TTC1: variants seen among roughly 807,000 people sequenced by gnomAD.
TTC1 encodes the protein tetratricopeptide repeat protein 1.
In TTC1, 31 loss-of-function variants were observed where a neutral mutation model predicts 37.6. The observed-to-expected ratio is 0.82, with a 90% confidence interval of 0.62 to 1.11. The LOEUF is 1.11. Ranked by LOEUF, TTC1 falls within the 50% of genes most tolerant of loss-of-function variation. The probability of loss-of-function intolerance (pLI) is 0.00; values close to 1 mark genes in which losing one functional copy is unlikely to be tolerated. For synonymous variants in TTC1, 127 were observed against 122.4 expected, an observed-to-expected ratio of 1.04 and a Z score of -0.25; for missense variants, 351 against 339.0, an observed-to-expected ratio of 1.04 and a Z score of -0.28.
At chr5:160,034,872 A>T (rs1415292636) in intron 2 of TTC1, among the ~76,000 whole-genome samples, 2 of 152,210 alleles carry the variant, frequency 1.3e-5, no homozygotes, top group Non-Finnish European at 2.9e-5. Flanking sequence ...TTATCATTCC[A>T]TTGCAAAAGA....
intron 7 of TTC1, among the ~76,000 whole-genome samples, chr5:160,058,052 C>G (rs1941416343): frequency 6.6e-6 from 1 of 152,226 alleles, no homozygotes; most frequent in Non-Finnish European, 1.5e-5. Context: ...TAGGCGTGAG[C>G]CACTGTGCCC....
intron 2 of TTC1, among the ~76,000 whole-genome samples, chr5:160,026,395 T>C (rs1159197739): frequency 2.6e-5 from 4 of 152,230 alleles, no homozygotes; most frequent in African/African-American, 4.8e-5. Context: ...ATTTCTGATA[T>C]TGGGGTATTG....
chr5:160,031,546 A>G (rs192139769), intron 2 of TTC1, among the ~76,000 whole-genome samples: 2 of 152,244 alleles, frequency 1.3e-5, no homozygotes, highest in Admixed American at 1.3e-4. Context: ...TCTGGGAGGC[A>G]GAGGTTGCAG....
At chr5:160,018,831 G>A (rs1756651859) in intron 2 of TTC1, among the ~76,000 whole-genome samples, 1 of 152,216 alleles carries the variant, frequency 6.6e-6, no homozygotes, top group South Asian at 2.1e-4. Flanking sequence ...CAGTGAAGAT[G>A]ATAGTAGCTT....
At chr5:160,042,025 T>C (rs958793139) in intron 4 of TTC1, among the ~76,000 whole-genome samples, 1 of 151,956 alleles carries the variant, frequency 6.6e-6, no homozygotes, top group African/African-American at 2.4e-5. Context: ...CACCTCCTGG[T>C]TTCAAGCAAT....
intron 7 of TTC1, among the ~76,000 whole-genome samples, chr5:160,053,550 T>TGA (rs1326184283): frequency 2.0e-5 from 3 of 152,064 alleles, no homozygotes; most frequent in Non-Finnish European, 2.9e-5. Context: ...GGTGACAGAG[T>TGA]GAGACCTTGT....
intron 7 of TTC1, chr5:160,061,720 A>G (rs1423581406): frequency 6.6e-6 from 1 of 152,162 alleles, no homozygotes; most frequent in Non-Finnish European, 1.5e-5. Flanking sequence ...TTATAAAGGC[A>G]GAGATACTGG....
chr5:160,019,815 C>T (rs1420793445), intron 2 of TTC1, among the ~76,000 whole-genome samples: 1 of 151,720 alleles, frequency 6.6e-6, no homozygotes, highest in Non-Finnish European at 1.5e-5. Flanking sequence ...GAACTCACAT[C>T]ATGATCCACC....
At chr5:160,033,528 C>T (rs1167532032) in intron 2 of TTC1, among the ~76,000 whole-genome samples, 1 of 152,214 alleles carries the variant, frequency 6.6e-6, no homozygotes, top group Non-Finnish European at 1.5e-5. Context: ...TCCATTTTCA[C>T]ACTGCTATTA....
chr5:160,012,617 CTTTGGCCTCCCAA>C (rs1445802522), intron 2 of TTC1, among the ~76,000 whole-genome samples: 3 of 152,182 alleles, frequency 2.0e-5, no homozygotes, highest in African/African-American at 7.2e-5. Flanking sequence ...AGTCCTCCCA[CTTTGGCCTCCCAA>C]AGTGCTGGGA....
chr5:160,028,391 T>C (rs1378713695), intron 2 of TTC1, among the ~76,000 whole-genome samples: 1 of 152,054 alleles, frequency 6.6e-6, no homozygotes, highest in Non-Finnish European at 1.5e-5. Context: ...CTTCCATTCA[T>C]GTCAAGAGGG....
intron 2 of TTC1, among the ~76,000 whole-genome samples, chr5:160,027,879 C>CT (rs1561628456): frequency 6.6e-6 from 1 of 152,152 alleles, no homozygotes; most frequent in Non-Finnish European, 1.5e-5. Flanking sequence ...CACATTTTCT[C>CT]TTTGTCTTTT....
chr5:160,040,872 A>C (rs1038776096), intron 4 of TTC1, among the ~76,000 whole-genome samples: 1 of 151,852 alleles, frequency 6.6e-6, no homozygotes, highest in Non-Finnish European at 1.5e-5. Context: ...AGCCTCCCGA[A>C]TCACTGGAAT....
intron 7 of TTC1, among the ~76,000 whole-genome samples, chr5:160,053,414 A>G (rs1757457324): frequency 6.6e-6 from 1 of 152,202 alleles, no homozygotes; most frequent in African/African-American, 2.4e-5. Context: ...CACTAAAAAA[A>G]TTAGCCAGGT....
chr5:160,062,141 A>G (rs1422959864), intron 7 of TTC1: 1 of 152,262 alleles, frequency 6.6e-6, no homozygotes, highest in Admixed American at 6.5e-5. Flanking sequence ...CATAGAATCA[A>G]CCAAGCTAAA....
At chr5:160,035,022 C>A in intron 2 of TTC1, 118 bp from the exon 3 acceptor site, 1 of 740,324 alleles carries the variant, frequency 1.4e-6, no homozygotes, top group South Asian at 3.3e-5. Flanking sequence ...GAAACTGATG[C>A]AGTTCTCAAA....
intron 2 of TTC1, among the ~76,000 whole-genome samples, chr5:160,034,601 T>C (rs1011095896): frequency 1.3e-5 from 2 of 152,228 alleles, no homozygotes; most frequent in African/African-American, 4.8e-5. Context: ...AGCTTATTTA[T>C]TGAGCCCTTA....
At chr5:160,018,027 A>T (rs772744993) in intron 2 of TTC1, among the ~76,000 whole-genome samples, 1 of 152,186 alleles carries the variant, frequency 6.6e-6, no homozygotes, top group Non-Finnish European at 1.5e-5. Flanking sequence ...TCCAAAATTC[A>T]TGTTGAACTT....
chr5:160,032,427 C>G (rs75396936), intron 2 of TTC1, among the ~76,000 whole-genome samples: 146 of 152,286 alleles, frequency 9.6e-4, no homozygotes, highest in South Asian at 8.9e-3. Context: ...ACATCCAACA[C>G]CCCTTCCTAT....
Sources: allele counts gnomAD v4.1 joint callset (sites outside exome capture counted in the v4.1 genomes callset), GRCh38; gene constraint gnomAD v4.1.1; transcripts MANE v1.5; gene names NCBI Gene and HGNC (gene_info 2026-07-23, HGNC 2026-07-21).